The following ABCA12 variants were observed in gnomAD, a reference collection of about 807,000 sequenced individuals.
ABCA12 encodes the protein glucosylceramide transporter ABCA12.
A neutral mutation model predicts 293.5 loss-of-function variants in ABCA12; 156 were observed. The ratio of observed to expected loss-of-function variants is 0.53; its 90% confidence interval spans 0.47 to 0.61. ABCA12 has a LOEUF of 0.61. Ranked by LOEUF, ABCA12 falls within the 20% of genes least tolerant of loss-of-function variation. The pLI, the probability that ABCA12 is intolerant of heterozygous loss-of-function variation, is 0.00. For missense variants in ABCA12, 2,797 were observed against 3,090.2 expected (o/e 0.91, Z 2.25); for synonymous variants, 1,063 against 1,108.0 (o/e 0.96, Z 0.81).
At chr2:215,033,050 G>A (rs1441328929) in intron 8 of ABCA12, among the ~76,000 whole-genome samples, 1 of 152,194 alleles carries the variant, frequency 6.6e-6, no homozygotes, top group Admixed American at 6.5e-5. Context: ...TACAGCCCCT[G>A]CTATCTGGCA....
intron 44 of ABCA12, 36 bp from the exon 45 acceptor site, chr2:214,951,119 T>C (rs537596159): frequency 6.4e-6 from 10 of 1,571,688 alleles, no homozygotes; most frequent in African/African-American, 1.4e-5. Context: ...GTCAATGATT[T>C]TGAAATGACA....
intron 6 of ABCA12, among the ~76,000 whole-genome samples, chr2:215,048,317 T>A (rs1429882551): frequency 2.6e-5 from 4 of 151,970 alleles, no homozygotes; most frequent in African/African-American, 9.7e-5. Flanking sequence ...CATTACTGGG[T>A]ATATACCCAG....
intron 34 of ABCA12, among the ~76,000 whole-genome samples, chr2:214,975,556 A>G (rs1228163656): frequency 6.6e-6 from 1 of 152,244 alleles, no homozygotes; most frequent in Non-Finnish European, 1.5e-5. Flanking sequence ...ATAAATAAAT[A>G]TCTACTATAA....
chr2:215,020,317 G>A (rs1700601117), intron 11 of ABCA12, among the ~76,000 whole-genome samples: 1 of 43,518 alleles, frequency 2.3e-5, no homozygotes, highest in African/African-American at 9.3e-5. Flanking sequence ...CACACACAGA[G>A]TGGTATATTA....
At position 215,004,310 on chromosome 2, in the gene ABCA12, A is replaced by G. The variant is rs766307447; in HGVS notation, c.2593-11T>C. 6.3e-7 allele frequency: 1 copy of G among 1,593,382 alleles called. No homozygotes were observed. The highest frequency in any genetic ancestry group is 1.1e-5 in the South Asian group (1 of 90,376). ...GTTCCTTAGAGTATTCTAACAAATA[A>G]TAATTAAAAATCAGTTTCAATACAA... On this transcript the variant is annotated splice_polypyrimidine_tract_variant and intron_variant, in intron 19 of 52. Coordinates refer to ENST00000272895, the MANE Select transcript of ABCA12 (RefSeq NM_173076.3).
intron 52 of ABCA12, among the ~76,000 whole-genome samples, 167 bp downstream of exon 52, chr2:214,933,911 C>T (rs1185989554): frequency 6.6e-6 from 1 of 151,680 alleles, no homozygotes; most frequent in African/African-American, 2.4e-5. Context: ...TTTAATATCC[C>T]CAAATTAAGT....
intron 41 of ABCA12, 39 bp from the exon 42 acceptor site, chr2:214,956,817 G>C: frequency 7.2e-7 from 1 of 1,394,250 alleles, no homozygotes; most frequent in Non-Finnish European, 1.0e-6. Context: ...TACGTGACAA[G>C]CATTTTTCAA....
At chr2:215,112,690 G>T (rs1335813482) in intron 1 of ABCA12, among the ~76,000 whole-genome samples, 1 of 151,738 alleles carries the variant, frequency 6.6e-6, no homozygotes, top group African/African-American at 2.4e-5. Context: ...TAGAGATGAG[G>T]TTCCACCATC....
intron 2 of ABCA12, among the ~76,000 whole-genome samples, chr2:215,092,021 C>G (rs1449564753): frequency 2.6e-5 from 4 of 152,236 alleles, no homozygotes; most frequent in Non-Finnish European, 5.9e-5. Flanking sequence ...CCAAAGCTCT[C>G]TGACTGACTC....
chr2:215,087,507 T>TGTGTGTGC (rs1356065529), intron 2 of ABCA12, among the ~76,000 whole-genome samples: 1 of 151,422 alleles, frequency 6.6e-6, no homozygotes, highest in Non-Finnish European at 1.5e-5. Context: ...TGTGTGTGTG[T>TGTGTGTGC]GCATGTGTGT....
chr2:215,132,525 A>G (rs1703082697), intron 1 of ABCA12, among the ~76,000 whole-genome samples: 1 of 151,584 alleles, frequency 6.6e-6, no homozygotes, highest in South Asian at 2.1e-4. Flanking sequence ...TTGTTGGTTT[A>G]ACGTCTGTTT....
chr2:215,053,989 G>A (rs955038122), intron 4 of ABCA12, among the ~76,000 whole-genome samples: 2 of 152,044 alleles, frequency 1.3e-5, no homozygotes, highest in Admixed American at 6.6e-5. Flanking sequence ...CTCAGGAAGA[G>A]TCTCTGCACG....
intron 1 of ABCA12, among the ~76,000 whole-genome samples, chr2:215,133,137 T>G: frequency 6.9e-6 from 1 of 145,138 alleles, no homozygotes. Flanking sequence ...CTCTTTTCTC[T>G]AGCTGGCTTT....
chr2:215,028,610 G>A (rs1177378883), intron 9 of ABCA12, among the ~76,000 whole-genome samples: 1 of 152,154 alleles, frequency 6.6e-6, no homozygotes, highest in Admixed American at 6.5e-5. Flanking sequence ...GACCAGGAGA[G>A]TGTATTCTTA....
At chr2:214,953,187 A>G (rs1698832807) in intron 44 of ABCA12, among the ~76,000 whole-genome samples, 2 of 152,244 alleles carry the variant, frequency 1.3e-5, no homozygotes, top group Non-Finnish European at 2.9e-5. Context: ...ATAGAGAACT[A>G]TATCATTTTT....
chr2:214,955,426 A>C (rs1698915635), intron 42 of ABCA12, 65 bp from the exon 43 acceptor site: 1 of 1,536,956 alleles, frequency 6.5e-7, no homozygotes, highest in Non-Finnish European at 9.0e-7. Context: ...TCACACCTGT[A>C]ATCCTAACAC....
At chr2:215,000,502 T>C (rs1437772832) in intron 22 of ABCA12, among the ~76,000 whole-genome samples, 1 of 152,200 alleles carries the variant, frequency 6.6e-6, no homozygotes, top group African/African-American at 2.4e-5. Context: ...GATCATTTGG[T>C]AAACACTTTA....
chr2:215,124,026 T>G (rs1490490667), intron 1 of ABCA12, among the ~76,000 whole-genome samples: 1 of 152,224 alleles, frequency 6.6e-6, no homozygotes, highest in Non-Finnish European at 1.5e-5. Flanking sequence ...AACGTTTGGT[T>G]TTTCATTCCT....
rs142742451 is a variant in ABCA12 at position 215,138,192 on chromosome 2, T to C, written c.17A>G (p.His6Arg). The part of the protein sequence containing the change: MASLF[H>R]QLQILVWKNW... Reference sequence around the variant, plus strand: ...TTTCCAGACCAGGATCTGAAGCTGATGAAACAGGGAAGCCATCCTTCAAAT... The same window carrying C: ...TTTCCAGACCAGGATCTGAAGCTGACGAAACAGGGAAGCCATCCTTCAAAT... The change falls in exon 1 of 53, where the codon CAT (histidine) becomes CGT (arginine). Residue 6 changes from histidine to arginine, a missense_variant. Transcript: ENST00000272895. 1 of 1,614,026 alleles carries C rather than the reference T, an allele frequency of 6.2e-7. No individual in the cohort carries two copies. The highest frequency in any genetic ancestry group is 1.3e-5 in the African/African-American group (1 of 74,924).
Sources: allele counts gnomAD v4.1 joint callset (sites outside exome capture counted in the v4.1 genomes callset), GRCh38; gene constraint gnomAD v4.1.1; transcripts MANE v1.5; gene names NCBI Gene and HGNC (gene_info 2026-07-23, HGNC 2026-07-21).